Variants in WASHC5 observed in about 807,000 individuals in gnomAD.
WASHC5 encodes the protein WASH complex subunit strumpellin.
Under a neutral mutation model 150.4 loss-of-function variants are expected in WASHC5, and 101 were observed. That is an observed-to-expected ratio of 0.67 (90% CI 0.57 to 0.79). The LOEUF (loss-of-function observed/expected upper bound fraction) is 0.79, where lower values mean the gene tolerates loss of function less well. Among genes scored for constraint, WASHC5 ranks in the 30% least tolerant of loss-of-function variants. The pLI is 0.00. For synonymous variants in WASHC5, 467 were observed against 491.2 expected, an observed-to-expected ratio of 0.95 and a Z score of 0.65; for missense variants, 1,195 against 1,396.3, an observed-to-expected ratio of 0.86 and a Z score of 2.30.
At chr8:125,073,457 G>A (rs1363066026) in intron 8 of WASHC5, 133 bp from the exon 9 acceptor site, 2 of 788,678 alleles carry the variant, frequency 2.5e-6, no homozygotes, top group South Asian at 3.0e-5. Flanking sequence ...CAGTTATAGG[G>A]CTCGAAGATA....
intron 27 of WASHC5, among the ~76,000 whole-genome samples, 161 bp from the exon 28 acceptor site, chr8:125,028,868 C>G (rs1215468875): frequency 6.6e-6 from 1 of 152,138 alleles, no homozygotes; most frequent in Admixed American, 6.5e-5. Context: ...TGTTACCTTG[C>G]TCATGTATTT....
In WASHC5 at chr8:125,044,530, G is replaced by T. The variant is rs779314187; in HGVS notation, c.2667+6C>A. On this transcript the variant is annotated splice_donor_region_variant and intron_variant, in intron 21 of 28. Transcript: ENST00000318410. ...AGAAAACAGGCATGAAAGTCAAAAGGCTCACCTGTAACTCTTTTACAATCA... is the reference window on the plus strand; with the variant it reads ...AGAAAACAGGCATGAAAGTCAAAAGTCTCACCTGTAACTCTTTTACAATCA... 2.0e-5 allele frequency: 32 copies of T among 1,613,646 alleles called. No individual in the cohort carries two copies. The highest frequency in any genetic ancestry group is 2.6e-5 in the Non-Finnish European group (31 of 1,179,742).
chr8:125,066,945 C>T (rs2130133757), intron 10 of WASHC5, among the ~76,000 whole-genome samples: 1 of 152,306 alleles, frequency 6.6e-6, no homozygotes, highest in Non-Finnish European at 1.5e-5. Context: ...ATACTTTATT[C>T]TAGGTACCTG....
At chr8:125,026,293 A>G (rs532622140) in intron 28 of WASHC5, among the ~76,000 whole-genome samples, 134 of 152,212 alleles carry the variant, frequency 8.8e-4, no homozygotes, top group African/African-American at 3.0e-3. Flanking sequence ...TGGCTTGGAC[A>G]TCTTTTTCAT....
intron 25 of WASHC5, among the ~76,000 whole-genome samples, chr8:125,038,321 C>A (rs182088018): frequency 0.013 from 1,948 of 152,214 alleles, 34 homozygotes; most frequent in African/African-American, 0.045. Context: ...GGATAAATAA[C>A]TAGTATAAAC....
intron 17 of WASHC5, among the ~76,000 whole-genome samples, chr8:125,054,810 C>A (rs571545748): frequency 1.4e-5 from 2 of 143,326 alleles, no homozygotes; most frequent in Admixed American, 1.3e-4. Flanking sequence ...CAGAACAAGA[C>A]CCTTGTCTCA....
Position 125,076,885 on chromosome 8 carries a change from C to A in WASHC5, c.712-385G>T, listed in dbSNP as rs551083457. Among the ~76,000 whole-genome samples, 3 of 152,276 alleles carry A rather than the reference C, an allele frequency of 2.0e-5. No individual in the cohort carries two copies. In the East Asian group the frequency reaches 5.8e-4, roughly 29 times the overall value. On this transcript the variant is annotated intron_variant, in intron 6 of 28. Transcript: ENST00000318410. ...CTCACTTTCTGTTTATTATTCAACT[C>A]ACTGAAATTCGACCTCCATCATCAT... is the stretch of plus-strand genomic sequence containing the variant.
At chr8:125,047,526 C>T (rs1271208276) in intron 19 of WASHC5, among the ~76,000 whole-genome samples, 195 bp from the exon 20 acceptor site, 1 of 151,922 alleles carries the variant, frequency 6.6e-6, no homozygotes, top group Non-Finnish European at 1.5e-5. Context: ...CAACCTCCAC[C>T]ACCCGGGTGC....
chr8:125,027,605 T>C (rs770317362), intron 28 of WASHC5, among the ~76,000 whole-genome samples: 6 of 152,154 alleles, frequency 3.9e-5, no homozygotes, highest in Non-Finnish European at 7.4e-5. Flanking sequence ...CAATGGACTT[T>C]GGGGACTTGG....
intron 3 of WASHC5, 131 bp downstream of exon 3, chr8:125,082,982 G>A (rs991793302): frequency 8.1e-6 from 5 of 619,924 alleles, no homozygotes; most frequent in East Asian, 5.7e-5. Context: ...GGTAGGAAAA[G>A]ACAACTATAT....
chr8:125,059,712 CAA>C (rs1303188609), intron 12 of WASHC5, among the ~76,000 whole-genome samples, 170 bp from the exon 13 acceptor site: 5 of 152,290 alleles, frequency 3.3e-5, no homozygotes, highest in Admixed American at 3.3e-4. Flanking sequence ...AAAAAATGCA[CAA>C]GTTTCTAGGA....
At position 125,083,923 on chromosome 8, in the gene WASHC5, G is replaced by A; in HGVS notation, c.-25C>T. The A allele has an allele frequency of 1.2e-6, 2 of 1,608,846 alleles. No individual in the cohort carries two copies. The highest frequency in any genetic ancestry group is 1.7e-6 in the Non-Finnish European group (2 of 1,176,644). On this transcript the variant is annotated 5_prime_UTR_variant, in exon 2 of 29. Transcript: ENST00000318410. ...TTGTGAGGCGGACCGACTACTCTGT[G>A]CCTGGACACTGGGGATGATTAACTG...
intron 21 of WASHC5, 23 bp downstream of exon 21, chr8:125,044,513 G>A (rs937409298): frequency 2.5e-6 from 4 of 1,613,460 alleles, no homozygotes; most frequent in Middle Eastern, 1.6e-4. Flanking sequence ...GCAGAAAACA[G>A]GCATGAAAGT....
At chr8:125,057,778 G>GCAACAACCACCGAATCT in intron 14 of WASHC5, 112 bp from the exon 15 acceptor site, 10 of 749,432 alleles carry the variant, frequency 1.3e-5, no homozygotes, top group South Asian at 4.5e-5. Flanking sequence ...CCAACAGAGG[G>GCAACAACCACCGAATCT]CATTAATAGT....
intron 20 of WASHC5, 37 bp downstream of exon 20, chr8:125,047,170 C>G: frequency 6.2e-7 from 1 of 1,612,762 alleles, no homozygotes; most frequent in African/African-American, 1.3e-5. Context: ...AGACTGCCTG[C>G]AGTATTCAGG....
At chr8:125,079,558 C>T (rs1244913758) in intron 5 of WASHC5, among the ~76,000 whole-genome samples, 1 of 152,084 alleles carries the variant, frequency 6.6e-6, no homozygotes, top group Non-Finnish European at 1.5e-5. Flanking sequence ...TCCATAATCC[C>T]TTTTCCAAAA....
chr8:125,083,701 G>C lies in WASHC5; in HGVS notation c.186+12C>G. 1 of 1,592,056 alleles carries C rather than the reference G, an allele frequency of 6.3e-7. No individual in the cohort carries two copies. The highest frequency in any genetic ancestry group is 8.6e-7 in the Non-Finnish European group (1 of 1,161,300). ...AAAAGACAACAATAAAAATGCTATA[G>C]AGGAAGATTACCTTAAAATAGCTGA... On this transcript the variant is annotated intron_variant, in intron 2 of 28. Coordinates refer to ENST00000318410, the MANE Select transcript of WASHC5 (RefSeq NM_014846.4).
intron 7 of WASHC5, among the ~76,000 whole-genome samples, 161 bp downstream of exon 7, chr8:125,076,187 G>A (rs975433037): frequency 1.3e-5 from 2 of 152,110 alleles, no homozygotes; most frequent in African/African-American, 4.8e-5. Flanking sequence ...ATTCCTTCAT[G>A]TTATAATTAT....
chr8:125,058,327 G>C (rs3860842), intron 14 of WASHC5, among the ~76,000 whole-genome samples: 2 of 151,538 alleles, frequency 1.3e-5, no homozygotes. Context: ...CAGGAGGATC[G>C]CTTGAGCCTG....
Sources: allele counts gnomAD v4.1 joint callset (sites outside exome capture counted in the v4.1 genomes callset), GRCh38; gene constraint gnomAD v4.1.1; transcripts MANE v1.5; gene names NCBI Gene and HGNC (gene_info 2026-07-23, HGNC 2026-07-21).